The following DPP4 variants were observed in gnomAD, a reference collection of about 807,000 sequenced individuals.
The protein encoded by DPP4 is ADCP-2.
In DPP4, 93 loss-of-function variants were observed where a neutral mutation model predicts 122.4. The observed-to-expected ratio is 0.76, with a 90% CI of 0.64 to 0.90. The LOEUF (loss-of-function observed/expected upper bound fraction) is 0.90. Among genes scored for constraint, DPP4 ranks in the 40% least tolerant of loss-of-function variants. The pLI is 0.00. For missense variants in DPP4, 914 were observed against 907.3 expected (o/e 1.01, Z -0.09); for synonymous variants, 321 against 302.9 (o/e 1.06, Z -0.62).
Position 162,036,184 on chromosome 2 carries a change from ATGTAAG to A in DPP4, c.614-866_614-861del, listed in dbSNP as rs1319812534. On this transcript the variant is annotated intron_variant, in intron 8 of 25. Transcript: ENST00000360534. Reference sequence around the variant, plus strand: ...GACGCCTAGATATTCCACAAGTCTCATGTAAGTGTAAATGTAAAAGCAAAAGCATAG... The same window carrying A: ...GACGCCTAGATATTCCACAAGTCTCATGTAAATGTAAAAGCAAAAGCATAG... Among the ~76,000 whole-genome samples the A allele has an allele frequency of 8.5e-5, 13 of 152,328 alleles. No individual in the cohort carries two copies. The South Asian group carries it at 2.7e-3, about 32-fold the overall frequency.
chr2:162,049,748 T>C (rs1313021808), intron 2 of DPP4, among the ~76,000 whole-genome samples: 4 of 152,160 alleles, frequency 2.6e-5, no homozygotes, highest in African/African-American at 4.8e-5. Flanking sequence ...GTAAAGATAA[T>C]AAAGAAAATA....
At chr2:162,028,343 C>CA (rs1038286563) in intron 10 of DPP4, among the ~76,000 whole-genome samples, 76 of 152,156 alleles carry the variant, frequency 5.0e-4, no homozygotes, top group African/African-American at 1.8e-3. Flanking sequence ...GCCTGGGTGA[C>CA]AGAGTAAGAC....
At chr2:162,052,020 A>C (rs1340760658) in intron 2 of DPP4, among the ~76,000 whole-genome samples, 2 of 152,072 alleles carry the variant, frequency 1.3e-5, no homozygotes, top group African/African-American at 4.8e-5. Flanking sequence ...TTAGTGCTTC[A>C]TAAAAGGGCT....
chr2:162,037,475 C>T (rs1683819709), intron 8 of DPP4, among the ~76,000 whole-genome samples: 1 of 152,132 alleles, frequency 6.6e-6, no homozygotes, highest in Admixed American at 6.6e-5. Flanking sequence ...GTCAACTAAA[C>T]TTGACTTGGA....
At chr2:162,045,926 T>C (rs2106133566) in intron 4 of DPP4, among the ~76,000 whole-genome samples, 1 of 152,332 alleles carries the variant, frequency 6.6e-6, no homozygotes, top group South Asian at 2.1e-4. Flanking sequence ...AGGACGTGGA[T>C]GTTTAGAGAC....
intron 2 of DPP4, chr2:162,073,163 T>C: frequency 2.6e-6 from 1 of 389,932 alleles, no homozygotes; most frequent in Non-Finnish European, 4.6e-6. Context: ...AGCATGCATT[T>C]ATTATACATA....
chr2:162,056,795 G>A (rs1684596672), intron 2 of DPP4, among the ~76,000 whole-genome samples: 1 of 152,154 alleles, frequency 6.6e-6, no homozygotes, highest in African/African-American at 2.4e-5. Context: ...ATGATAACCA[G>A]CCATTATTCC....
chr2:162,024,749 C>A (rs1683257171), intron 11 of DPP4, 55 bp downstream of exon 11: 2 of 1,592,912 alleles, frequency 1.3e-6, no homozygotes, highest in South Asian at 2.3e-5. Context: ...CCCAACTGCA[C>A]AGACCCTCTG....
chr2:162,065,501 T>A (rs1684917936), intron 2 of DPP4, among the ~76,000 whole-genome samples: 1 of 152,186 alleles, frequency 6.6e-6, no homozygotes, highest in Non-Finnish European at 1.5e-5. Context: ...TTATAAAAGA[T>A]GCTAATGACA....
intron 2 of DPP4, among the ~76,000 whole-genome samples, chr2:162,059,644 G>T (rs1287350850): frequency 6.6e-6 from 1 of 152,166 alleles, no homozygotes; most frequent in Non-Finnish European, 1.5e-5. Context: ...CTGACTCATT[G>T]AAGAAGTCTC....
chr2:162,046,522 C>T (rs1166459409), intron 4 of DPP4, among the ~76,000 whole-genome samples: 1 of 152,096 alleles, frequency 6.6e-6, no homozygotes, highest in Non-Finnish European at 1.5e-5. Context: ...ATGTAGGAAC[C>T]AGCAGGCTAC....
chr2:162,005,335 A>G (rs1304330102), intron 23 of DPP4, among the ~76,000 whole-genome samples: 2 of 152,208 alleles, frequency 1.3e-5, no homozygotes, highest in Non-Finnish European at 2.9e-5. Flanking sequence ...ATAATTGGCT[A>G]TGAGTAAGAA....
chr2:162,058,260 TA>T (rs1223938904), intron 2 of DPP4, among the ~76,000 whole-genome samples: 1 of 152,232 alleles, frequency 6.6e-6, no homozygotes, highest in Non-Finnish European at 1.5e-5. Context: ...CATGCAGCTG[TA>T]ACTTCTGCTT....
chr2:161,994,933 C>T lies in DPP4; in HGVS notation c.2199+28G>A, dbSNP rs75193534. The T allele has an allele frequency of 4.2e-5, 67 of 1,608,552 alleles. No homozygotes were observed. In the East Asian group the frequency reaches 1.3e-3, roughly 32 times the overall value. On this transcript the variant is annotated intron_variant, in intron 25 of 25. Transcript: ENST00000360534. ...GAAACTAGACCCCACCAGCAACTTC[C>T]CTCCCCTTGCACAAAGTTTTTCTAT...
In DPP4 at chr2:162,010,966, AC is replaced by A; in HGVS notation, c.1832+826del. 2.0e-5 allele frequency among the ~76,000 whole-genome samples: 3 copies of A among 152,244 alleles called. 1 individual carries two copies. The Middle Eastern group carries it at 0.01, about 518-fold the overall frequency. ...ACAGAAACTCAAAGTTACATTTCCC[AC>A]ATACCAGTTGAATGTAATTAAATAT... On this transcript the variant is annotated intron_variant, in intron 20 of 25. Transcript: ENST00000360534.
intron 2 of DPP4, among the ~76,000 whole-genome samples, chr2:162,048,093 G>A (rs965856460): frequency 1.3e-5 from 2 of 152,108 alleles, no homozygotes; most frequent in Non-Finnish European, 2.9e-5. Context: ...CAGAGGCTTT[G>A]GGGCCCAGTT....
chr2:162,054,410 G>C (rs933973434), intron 2 of DPP4, among the ~76,000 whole-genome samples: 1 of 152,150 alleles, frequency 6.6e-6, no homozygotes, highest in Admixed American at 6.5e-5. Flanking sequence ...GTTAAGATTT[G>C]GGGGGCTATT....
intron 2 of DPP4, among the ~76,000 whole-genome samples, chr2:162,059,188 A>G (rs1308817184): frequency 1.3e-5 from 2 of 152,174 alleles, no homozygotes; most frequent in East Asian, 3.8e-4. Flanking sequence ...AGCTCTACAC[A>G]CACAGGGAGC....
chr2:162,065,466 A>G (rs1360715343), intron 2 of DPP4, among the ~76,000 whole-genome samples: 1 of 152,214 alleles, frequency 6.6e-6, no homozygotes, highest in Admixed American at 6.5e-5. Context: ...CAAACCCAAG[A>G]ACCACTTTAC....
Sources: gnomAD v4.1 joint callset for allele counts (sites outside exome capture counted in the v4.1 genomes callset) on GRCh38, gnomAD v4.1.1 for gene constraint, MANE v1.5 for transcripts, NCBI Gene and HGNC (gene_info 2026-07-23, HGNC 2026-07-21) for gene names.